CDK6: variants seen among roughly 807,000 people sequenced by gnomAD.
The protein encoded by CDK6 is cyclin dependent kinase 6, also known as cyclin-dependent kinase 6.
CDK6 carries 6 observed loss-of-function variants against 37.1 expected under a neutral mutation model. That is an observed-to-expected ratio of 0.16 (90% CI 0.09 to 0.32). The LOEUF is 0.32. Ranked by LOEUF, CDK6 falls within the 10% of genes least tolerant of loss-of-function variation. The pLI, the probability that CDK6 is intolerant of heterozygous loss-of-function variation, is 1.00. For synonymous variants in CDK6, 160 were observed against 161.3 expected (o/e 0.99, Z 0.06); for missense variants, 224 against 418.9 (o/e 0.53, Z 4.06).
intron 3 of CDK6, among the ~76,000 whole-genome samples, chr7:92,745,023 G>A (rs376350141): frequency 2.6e-5 from 4 of 151,998 alleles, no homozygotes; most frequent in African/African-American, 9.7e-5. Flanking sequence ...GTGATGTTTT[G>A]ATAAATGTAT....
chr7:92,709,485 T>C (rs1397128938), intron 4 of CDK6, among the ~76,000 whole-genome samples: 2 of 152,046 alleles, frequency 1.3e-5, no homozygotes, highest in East Asian at 3.8e-4. Flanking sequence ...TCACCAGGGT[T>C]TATCTGGCTA....
In CDK6 at chr7:92,607,194, C is replaced by G; in HGVS notation, c.*7946G>C. 8.6e-6 allele frequency: 2 copies of G among 233,634 alleles called. No homozygotes were observed. Among genetic ancestry groups the G allele is most frequent in the East Asian group, 1.2e-4 (2 of 16,566 alleles). 14.5% of individuals were successfully genotyped at this position (233,634 alleles called of 1,614,324 possible). A position where few individuals can be genotyped will look rare whatever the true frequency, so the allele number is the denominator to read the frequency against. On this transcript the variant is annotated 3_prime_UTR_variant, in exon 8 of 8. Coordinates refer to ENST00000424848, the MANE Select transcript of CDK6 (RefSeq NM_001145306.2). ...TCTCCTCTCAACAGTACTGCCTGTT[C>G]CCACTACTCCACATGACACCTACGA...
intron 3 of CDK6, among the ~76,000 whole-genome samples, chr7:92,750,015 G>C (rs1487015242): frequency 6.6e-6 from 1 of 152,072 alleles, no homozygotes; most frequent in Admixed American, 6.5e-5. Context: ...CTGATTCTGG[G>C]GTAGGTCAGT....
intron 3 of CDK6, among the ~76,000 whole-genome samples, chr7:92,742,746 C>T (rs2115640006): frequency 6.6e-6 from 1 of 151,646 alleles, no homozygotes; most frequent in African/African-American, 2.4e-5. Context: ...TATATATACA[C>T]ACACACACAC....
At chr7:92,638,977 A>T (rs1021624747) in intron 5 of CDK6, among the ~76,000 whole-genome samples, 3 of 152,038 alleles carry the variant, frequency 2.0e-5, no homozygotes, top group Non-Finnish European at 4.4e-5. Flanking sequence ...CAAAATAGCA[A>T]TTTTCTTGTT....
rs1795620604 is a variant in CDK6 at position 92,614,120 on chromosome 7, A to T, written c.*1020T>A. Reference sequence around the variant, plus strand: ...GCCACTCCTGTCTCTAGTTAGAGAGAACTACTCTCCAAACCAAAACAGGAA... The same window carrying T: ...GCCACTCCTGTCTCTAGTTAGAGAGTACTACTCTCCAAACCAAAACAGGAA... On this transcript the variant is annotated 3_prime_UTR_variant, in exon 8 of 8. Transcript: ENST00000424848. The T allele has an allele frequency of 4.3e-6, 1 of 233,126 alleles. No individual in the cohort carries two copies. The highest frequency in any genetic ancestry group is 2.2e-5 in the African/African-American group (1 of 45,338). The allele number at this position is 233,126 out of a possible 1,614,324, so 14.4% of individuals were successfully genotyped here. A position where few individuals can be genotyped will look rare whatever the true frequency, so the allele number is the denominator to read the frequency against.
chr7:92,673,453 T>C (rs1202335053), intron 4 of CDK6, among the ~76,000 whole-genome samples: 3 of 152,198 alleles, frequency 2.0e-5, no homozygotes, highest in Non-Finnish European at 2.9e-5. Context: ...ATGGTTGTGA[T>C]ATAATAGAAA....
At chr7:92,754,458 T>C (rs1799263758) in intron 3 of CDK6, among the ~76,000 whole-genome samples, 1 of 152,172 alleles carries the variant, frequency 6.6e-6, no homozygotes, top group African/African-American at 2.4e-5. Context: ...AACCATTCTT[T>C]TCCCCCATTC....
intron 4 of CDK6, among the ~76,000 whole-genome samples, chr7:92,713,095 A>C (rs1391769403): frequency 6.6e-6 from 1 of 152,070 alleles, no homozygotes. Flanking sequence ...TCCTGACCTC[A>C]TGATCTGCCT....
chr7:92,636,394 C>T (rs1269449206), intron 5 of CDK6, among the ~76,000 whole-genome samples: 1 of 152,034 alleles, frequency 6.6e-6, no homozygotes, highest in Non-Finnish European at 1.5e-5. Flanking sequence ...GGTTTCAGTA[C>T]AAACTATTTA....
At chr7:92,682,154 C>T (rs1438764562) in intron 4 of CDK6, among the ~76,000 whole-genome samples, 1 of 152,108 alleles carries the variant, frequency 6.6e-6, no homozygotes, top group Non-Finnish European at 1.5e-5. Context: ...CCCCCTGCCA[C>T]TCTGTCTTCT....
In CDK6 at chr7:92,609,467, AT is replaced by A; in HGVS notation, c.*5672del. On this transcript the variant is annotated 3_prime_UTR_variant, in exon 8 of 8. Coordinates refer to ENST00000424848, the MANE Select transcript of CDK6 (RefSeq NM_001145306.2). Reference sequence around the variant, plus strand: ...TAATTAGAGCTTCTTATGAATTTACATTTGTGATTCCACAAATGTTAAAATT... The same window carrying A: ...TAATTAGAGCTTCTTATGAATTTACATTGTGATTCCACAAATGTTAAAATT... The A allele has an allele frequency of 4.4e-6, 1 of 229,416 alleles. No individual in the cohort carries two copies. Among genetic ancestry groups the A allele is most frequent in the Non-Finnish European group, 8.6e-6 (1 of 115,762 alleles). 14.2% of individuals were successfully genotyped at this position (229,416 alleles called of 1,614,324 possible).
At chr7:92,725,184 T>C (rs886767430) in intron 4 of CDK6, 6 of 985,388 alleles carry the variant, frequency 6.1e-6, no homozygotes, top group Non-Finnish European at 7.2e-6. Flanking sequence ...GCTGGCACCA[T>C]AGCTTCAGAT....
intron 3 of CDK6, among the ~76,000 whole-genome samples, chr7:92,760,906 AT>A (rs1000871380): frequency 1.3e-5 from 2 of 151,906 alleles, no homozygotes; most frequent in Admixed American, 1.3e-4. Context: ...CCTATGGTAC[AT>A]TTTTTTATTG....
chr7:92,786,613 C>G (rs984995342), intron 2 of CDK6, among the ~76,000 whole-genome samples: 3 of 143,688 alleles, frequency 2.1e-5, no homozygotes, highest in Non-Finnish European at 3.0e-5. Flanking sequence ...TAATCTGGCT[C>G]TGTGTGTGTG....
chr7:92,818,011 G>A (rs1053841017), intron 2 of CDK6, among the ~76,000 whole-genome samples: 33 of 151,942 alleles, frequency 2.2e-4, no homozygotes, highest in Admixed American at 9.8e-4. Context: ...CACCATGTTC[G>A]TGATCAGAAG....
intron 2 of CDK6, among the ~76,000 whole-genome samples, chr7:92,795,253 G>A (rs1324669002): frequency 6.6e-6 from 1 of 152,044 alleles, no homozygotes; most frequent in African/African-American, 2.4e-5. Context: ...TCCAAAGAGG[G>A]AAGCAATTTG....
chr7:92,712,956 T>G (rs1024707616), intron 4 of CDK6, among the ~76,000 whole-genome samples: 1 of 152,198 alleles, frequency 6.6e-6, no homozygotes, highest in Admixed American at 6.5e-5. Context: ...CTCCGCCTCC[T>G]GGGTTCAAGC....
rs775118566 is a variant in CDK6, at chr7:92,833,344, C to G, written c.-21G>C. The G allele has an allele frequency of 1.3e-6, 2 of 1,537,612 alleles. No individual in the cohort carries two copies. The highest frequency in any genetic ancestry group is 2.4e-5 in the South Asian group (2 of 84,620). ...TCCATGCCGCCTGGACGCCGCCCGC[C>G]GCGGCGCCGCTGGGGCGGGCGGGGG... On this transcript the variant is annotated 5_prime_UTR_variant, in exon 2 of 8. Transcript: ENST00000424848. The surrounding 1 kb of genome is among the most constrained non-coding windows in gnomAD (Gnocchi z 6.1).
Sources: gnomAD v4.1 joint callset for allele counts (sites outside exome capture counted in the v4.1 genomes callset) on GRCh38, gnomAD v4.1.1 for gene constraint, Gnocchi (gnomAD v3.1) non-coding constraint, MANE v1.5 for transcripts, NCBI Gene and HGNC (gene_info 2026-07-23, HGNC 2026-07-21) for gene names.